Variants in TAF4B observed in about 807,000 individuals in gnomAD.
The protein encoded by TAF4B is transcription initiation factor TFIID subunit 4B.
A neutral mutation model predicts 86.4 loss-of-function variants in TAF4B; 38 were observed. That is an observed-to-expected ratio of 0.44 (90% CI 0.34 to 0.58). The LOEUF (loss-of-function observed/expected upper bound fraction) is 0.58. Among genes scored for constraint, TAF4B ranks in the 20% least tolerant of loss-of-function variants. The probability of loss-of-function intolerance (pLI) is 0.02; values close to 1 mark genes in which losing one functional copy is unlikely to be tolerated. For synonymous variants in TAF4B, 388 were observed against 391.2 expected (o/e 0.99, Z 0.10); for missense variants, 988 against 1,027.6 (o/e 0.96, Z 0.53).
At chr18:26,247,932 T>G (rs2055950751) in intron 1 of TAF4B, among the ~76,000 whole-genome samples, 1 of 148,178 alleles carries the variant, frequency 6.7e-6, no homozygotes. Flanking sequence ...CTGGAATGCA[T>G]TAGTACAATC....
intron 14 of TAF4B, among the ~76,000 whole-genome samples, chr18:26,381,739 A>C (rs2057480514): frequency 6.7e-6 from 1 of 149,784 alleles, no homozygotes; most frequent in African/African-American, 2.5e-5. Flanking sequence ...ATAAATAAAT[A>C]AATAAATAAA....
intron 9 of TAF4B, among the ~76,000 whole-genome samples, chr18:26,308,879 CAAAAAA>C (rs71169847): frequency 2.5e-5 from 2 of 80,368 alleles, no homozygotes; most frequent in Non-Finnish European, 4.6e-5. Flanking sequence ...GACTCTGTCT[CAAAAAA>C]AAAAAAAAAA....
At chr18:26,296,542 T>C (rs1041679590) in intron 9 of TAF4B, among the ~76,000 whole-genome samples, 1 of 152,164 alleles carries the variant, frequency 6.6e-6, no homozygotes, top group Non-Finnish European at 1.5e-5. Context: ...GGGATTTGTT[T>C]TTTTTTCCTT....
At chr18:26,317,995 A>G (rs1167833464) in intron 10 of TAF4B, among the ~76,000 whole-genome samples, 1 of 152,182 alleles carries the variant, frequency 6.6e-6, no homozygotes, top group East Asian at 1.9e-4. Context: ...AATTTAGCAC[A>G]ATAAGGGAAC....
chr18:26,374,622 G>A (rs2057430352), intron 14 of TAF4B, among the ~76,000 whole-genome samples: 1 of 152,194 alleles, frequency 6.6e-6, no homozygotes. Flanking sequence ...AAAGTGGTTG[G>A]TAACTGTATT....
At chr18:26,287,947 G>A (rs529331832) in intron 7 of TAF4B, among the ~76,000 whole-genome samples, 1 of 152,298 alleles carries the variant, frequency 6.6e-6, no homozygotes, top group Admixed American at 6.5e-5. Flanking sequence ...TCATTTTCAA[G>A]TGGGGAAATG....
intron 12 of TAF4B, among the ~76,000 whole-genome samples, chr18:26,329,205 A>G (rs964388223): frequency 2.0e-5 from 3 of 151,920 alleles, no homozygotes; most frequent in Admixed American, 6.6e-5. Flanking sequence ...CTACACGCAC[A>G]CACCACTACG....
At chr18:26,350,071 G>T (rs901620205) in intron 13 of TAF4B, among the ~76,000 whole-genome samples, 1 of 152,140 alleles carries the variant, frequency 6.6e-6, no homozygotes, top group African/African-American at 2.4e-5. Flanking sequence ...ATGGTTCAGA[G>T]ATCTAAGTGT....
rs1441577361 is a variant in TAF4B, at chr18:26,335,248, A to G, written c.2316+17A>G. The G allele has an allele frequency of 3.1e-6, 5 of 1,610,722 alleles. No individual in the cohort carries two copies. The highest frequency in any genetic ancestry group is 4.2e-6 in the Non-Finnish European group (5 of 1,177,116). On this transcript the variant is annotated intron_variant, in intron 13 of 14. Coordinates refer to ENST00000269142, the MANE Select transcript of TAF4B (RefSeq NM_005640.3). ...GCCAAAGAGGTAGGACTTTCAAGTT[A>G]CCATGCTTGTCTTTGTGTTTGAGGG...
intron 9 of TAF4B, among the ~76,000 whole-genome samples, chr18:26,298,572 G>T (rs1385141382): frequency 6.6e-6 from 1 of 151,750 alleles, no homozygotes; most frequent in Non-Finnish European, 1.5e-5. Flanking sequence ...TTGCTCTGTT[G>T]CCTAGGCTGG....
At chr18:26,315,513 C>T in intron 10 of TAF4B, 115 bp downstream of exon 10, 1 of 644,750 alleles carries the variant, frequency 1.6e-6, no homozygotes, top group Non-Finnish European at 2.4e-6. Flanking sequence ...AAATAAGATT[C>T]TAGAAATAAT....
rs532763337 is a variant in TAF4B, at chr18:26,389,190, A to G, written c.2422-655A>G. ...TGACCTTGAACAGATTGCTTAACCT[A>G]TCTAAGCTCAGTTTCCTCATTTGAT... On this transcript the variant is annotated intron_variant, in intron 14 of 14. Coordinates refer to ENST00000269142, the MANE Select transcript of TAF4B (RefSeq NM_005640.3). Among the ~76,000 whole-genome samples, 5 of 152,330 alleles carry G rather than the reference A, an allele frequency of 3.3e-5. No homozygotes were observed. The South Asian group carries it at 8.3e-4, about 25-fold the overall frequency.
At chr18:26,245,864 G>GT (rs1286058002) in intron 1 of TAF4B, among the ~76,000 whole-genome samples, 1 of 152,140 alleles carries the variant, frequency 6.6e-6, no homozygotes, top group Admixed American at 6.5e-5. Flanking sequence ...ACATAACATT[G>GT]TTTTTTGACC....
intron 1 of TAF4B, among the ~76,000 whole-genome samples, chr18:26,241,152 A>G (rs2055832461): frequency 6.6e-6 from 1 of 152,200 alleles, no homozygotes; most frequent in Admixed American, 6.5e-5. Context: ...TAGTTTCAGA[A>G]GGAATGGTAG....
chr18:26,284,898 A>G lies in TAF4B; in HGVS notation c.973-984A>G, dbSNP rs189148596. Among the ~76,000 whole-genome samples the G allele has an allele frequency of 6.0e-3, 916 of 152,314 alleles. 4 individuals carry two copies. Among genetic ancestry groups the G allele is most frequent in the Non-Finnish European group, 9.0e-3 (615 of 68,028 alleles). ...AGAAAAAAGAAAATATGCTAGCTCAATTCTTTCAGATCGTAAAATTCACTT... is the reference window on the plus strand; with the variant it reads ...AGAAAAAAGAAAATATGCTAGCTCAGTTCTTTCAGATCGTAAAATTCACTT... On this transcript the variant is annotated intron_variant, in intron 6 of 14. Coordinates refer to ENST00000269142, the MANE Select transcript of TAF4B (RefSeq NM_005640.3).
At chr18:26,251,144 T>A (rs2056000842) in intron 1 of TAF4B, among the ~76,000 whole-genome samples, 1 of 152,194 alleles carries the variant, frequency 6.6e-6, no homozygotes, top group African/African-American at 2.4e-5. Flanking sequence ...TTGCAGAAGG[T>A]ACCCTCACAT....
At chr18:26,372,343 T>G (rs1263218998) in intron 14 of TAF4B, among the ~76,000 whole-genome samples, 2 of 152,230 alleles carry the variant, frequency 1.3e-5, no homozygotes, top group Non-Finnish European at 2.9e-5. Flanking sequence ...TGACAGTGGA[T>G]TACCATAAAC....
rs1450173583 is a variant in TAF4B at position 26,285,225 on chromosome 18, T to TTTGTTTTTGTTTTTTTTTTTTTG, written c.973-655_973-654insGTTTTTGTTTTTTTTTTTTTGTT. On this transcript the variant is annotated intron_variant, in intron 6 of 14. Transcript: ENST00000269142. ...TCTTCCTTTCCTTTTTTTTTTTGTT[T>TTTGTTTTTGTTTTTTTTTTTTTG]TTTTTTTTTTTGGAGATGGGGTCTT... Among the ~76,000 whole-genome samples the TTTGTTTTTGTTTTTTTTTTTTTG allele has an allele frequency of 3.2e-5, 4 of 125,146 alleles. 1 individual carries two copies. Among genetic ancestry groups the TTTGTTTTTGTTTTTTTTTTTTTG allele is most frequent in the Non-Finnish European group, 5.3e-5 (3 of 56,378 alleles). The allele number at this position is 125,146 out of a possible 152,430, so 82.1% of individuals were successfully genotyped here.
intron 14 of TAF4B, among the ~76,000 whole-genome samples, chr18:26,369,602 GCA>G (rs1275269225): frequency 6.6e-6 from 1 of 152,234 alleles, no homozygotes; most frequent in Non-Finnish European, 1.5e-5. Flanking sequence ...AGATGCTGTT[GCA>G]GCTCAAAGGC....
Sources: allele counts gnomAD v4.1 joint callset (sites outside exome capture counted in the v4.1 genomes callset), GRCh38; gene constraint gnomAD v4.1.1; transcripts MANE v1.5; gene names NCBI Gene and HGNC (gene_info 2026-07-23, HGNC 2026-07-21).